Variants in ATG2B observed in about 807,000 individuals in gnomAD.
ATG2B encodes autophagy-related protein 2 homolog B.
A neutral mutation model predicts 241.3 loss-of-function variants in ATG2B; 121 were observed. That is an observed-to-expected ratio of 0.50 (90% CI 0.43 to 0.58). The LOEUF is 0.58. ATG2B is among the 20% of genes least tolerant of loss of function. The pLI is 0.00. For missense variants in ATG2B, 2,306 were observed against 2,491.6 expected, an observed-to-expected ratio of 0.93 and a Z score of 1.59; for synonymous variants, 858 against 876.6, an observed-to-expected ratio of 0.98 and a Z score of 0.37.
chr14:96,343,464 G>A (rs1172871764), intron 4 of ATG2B, among the ~76,000 whole-genome samples, 183 bp from the exon 5 acceptor site: 4 of 151,880 alleles, frequency 2.6e-5, no homozygotes, highest in Admixed American at 6.6e-5. Context: ...AATAAGAAAC[G>A]CACATAGCTT....
intron 23 of ATG2B, 130 bp downstream of exon 23, chr14:96,315,024 G>T: frequency 1.5e-6 from 1 of 680,572 alleles, no homozygotes; most frequent in Admixed American, 2.5e-5. Flanking sequence ...AAAAGGTGGT[G>T]ACACCGTAGT....
At chr14:96,297,021 C>A (rs1886660781) in intron 34 of ATG2B, among the ~76,000 whole-genome samples, 1 of 152,052 alleles carries the variant, frequency 6.6e-6, no homozygotes, top group Non-Finnish European at 1.5e-5. Flanking sequence ...TGGAAATATT[C>A]TGATTCTGAA....
chr14:96,309,892 A>C (rs1887102641), intron 28 of ATG2B, among the ~76,000 whole-genome samples: 1 of 152,192 alleles, frequency 6.6e-6, no homozygotes, highest in African/African-American at 2.4e-5. Context: ...TAAAGCTGGG[A>C]AAGAAGGGAT....
At chr14:96,287,465 C>T (rs929692040) in intron 41 of ATG2B, among the ~76,000 whole-genome samples, 3 of 152,124 alleles carry the variant, frequency 2.0e-5, no homozygotes, top group South Asian at 4.2e-4. Context: ...GAGTAGAGTA[C>T]GAGGCCGACC....
chr14:96,305,572 T>C lies in ATG2B; in HGVS notation c.4733+17A>G, dbSNP rs781153605. 2.0e-5 allele frequency: 31 copies of C among 1,540,024 alleles called. No individual in the cohort carries two copies. The highest frequency in any genetic ancestry group is 4.5e-5 in the East Asian group (2 of 44,146). ...TATATTGGCCTCCCAAATAAACTTA[T>C]ATAGAAATTAACTTACATATAACTT... On this transcript the variant is annotated intron_variant, in intron 31 of 41. Transcript: ENST00000359933.
intron 1 of ATG2B, among the ~76,000 whole-genome samples, chr14:96,350,574 TAA>T (rs923200635): frequency 1.3e-5 from 2 of 152,230 alleles, no homozygotes; most frequent in African/African-American, 4.8e-5. Context: ...ATGCGATTTT[TAA>T]AAGACAATTT....
intron 14 of ATG2B, among the ~76,000 whole-genome samples, chr14:96,327,093 G>A (rs922804242): frequency 3.3e-5 from 5 of 152,152 alleles, no homozygotes; most frequent in South Asian, 2.1e-4. Flanking sequence ...AAACTTAACC[G>A]GGTGTGGTGG....
intron 1 of ATG2B, among the ~76,000 whole-genome samples, chr14:96,358,197 G>A (rs923476915): frequency 3.4e-4 from 52 of 152,256 alleles, no homozygotes; most frequent in African/African-American, 1.2e-3. Context: ...AAACTGGGGG[G>A]GGCTGAGGTG....
chr14:96,341,578 C>CAA lies in ATG2B; in HGVS notation c.866_867dup (p.Gly290LeufsTer6), dbSNP rs746708237. On this transcript the variant is annotated frameshift_variant, in exon 6 of 42. Transcript: ENST00000359933. LOFTEE classifies it high-confidence loss of function. ...AACGTGAGACTCAACTCCAACCTACCAATTAACCGTCCAATCTGCACTGGG... is the reference window on the plus strand; with the variant it reads ...AACGTGAGACTCAACTCCAACCTACCAAAATTAACCGTCCAATCTGCACTGGG... The CAA allele has an allele frequency of 6.2e-7, 1 of 1,603,952 alleles. No individual in the cohort carries two copies. Among genetic ancestry groups the CAA allele is most frequent in the African/African-American group, 1.3e-5 (1 of 74,708 alleles).
intron 1 of ATG2B, among the ~76,000 whole-genome samples, chr14:96,348,023 T>G (rs183156761): frequency 6.6e-6 from 1 of 152,232 alleles, no homozygotes; most frequent in South Asian, 2.1e-4. Flanking sequence ...ATGGAAGAGA[T>G]ATCCACGCTC....
At chr14:96,302,997 A>C in intron 33 of ATG2B, 64 bp downstream of exon 33, 1 of 1,248,314 alleles carries the variant, frequency 8.0e-7, no homozygotes, top group Non-Finnish European at 1.1e-6. Context: ...ACTCTCCTGA[A>C]GTTAGATATA....
intron 1 of ATG2B, 118 bp downstream of exon 1, chr14:96,362,697 C>G: frequency 9.8e-7 from 1 of 1,019,166 alleles, no homozygotes; most frequent in Non-Finnish European, 1.4e-6. Context: ...CCGTGTCACA[C>G]TCGGGTCCAA....
chr14:96,353,550 T>C (rs541207893), intron 1 of ATG2B, among the ~76,000 whole-genome samples: 5 of 151,920 alleles, frequency 3.3e-5, no homozygotes, highest in Admixed American at 6.6e-5. Context: ...CGCTGGAACC[T>C]GGGAGGCTGA....
chr14:96,287,115 C>T (rs1248570539), intron 41 of ATG2B, among the ~76,000 whole-genome samples: 8 of 151,808 alleles, frequency 5.3e-5, no homozygotes, highest in Non-Finnish European at 8.8e-5. Flanking sequence ...ACTAGCCGGG[C>T]GTGGTGGCAG....
chr14:96,314,074 A>G (rs563304367), intron 23 of ATG2B, among the ~76,000 whole-genome samples: 2 of 152,272 alleles, frequency 1.3e-5, no homozygotes, highest in Admixed American at 1.3e-4. Flanking sequence ...ATCCAAACAA[A>G]TAAGGAGGTT....
At position 96,328,737 on chromosome 14, in the gene ATG2B, A is replaced by G; in HGVS notation, c.1911T>C (p.Thr637=). The G allele has an allele frequency of 6.2e-7, 1 of 1,611,952 alleles. No homozygotes were observed. Among genetic ancestry groups the G allele is most frequent in the Non-Finnish European group, 8.5e-7 (1 of 1,179,080 alleles). The change falls in exon 13 of 42, where the codon ACT becomes ACC. Residue 637 remains threonine, a synonymous_variant. Coordinates refer to ENST00000359933, the MANE Select transcript of ATG2B (RefSeq NM_018036.7). ...GAAGACACACAGGGGAATGGGAACC[A>G]GTTTCTTCTTTGGAATGGAACGTTA... The part of the protein sequence containing the change: ...ELLTFHSKEE[T]GSHSPVCLQL...
intron 6 of ATG2B, among the ~76,000 whole-genome samples, chr14:96,336,008 C>T (rs1483903013): frequency 6.6e-6 from 1 of 152,028 alleles, no homozygotes; most frequent in Non-Finnish European, 1.5e-5. Flanking sequence ...CTCAATGTAA[C>T]ATGGTAACTG....
chr14:96,312,938 A>C, intron 25 of ATG2B, 127 bp downstream of exon 25: 1 of 490,656 alleles, frequency 2.0e-6, no homozygotes, highest in Non-Finnish European at 3.5e-6. Flanking sequence ...TTTGGGTAAA[A>C]GGTTATAACT....
At position 96,323,973 on chromosome 14, in the gene ATG2B, A is replaced by G. The variant is rs370582682; in HGVS notation, c.2463T>C (p.Asp821=). 7 of 1,607,406 alleles carry G rather than the reference A, an allele frequency of 4.4e-6. No homozygotes were observed. Among genetic ancestry groups the G allele is most frequent in the Non-Finnish European group, 5.9e-6 (7 of 1,177,488 alleles). ...LIGSFQEEKG[D]PSIKFFHVSS... ...ACACATGGAAAAACTTAATAGATGG[A>G]TCTCCTTTCTCTTCCTGGAACGATC... Residue 821 remains aspartate (D), a synonymous_variant, in exon 16 of 42, where the codon GAT becomes GAC. Transcript: ENST00000359933.
Sources: allele counts gnomAD v4.1 joint callset (sites outside exome capture counted in the v4.1 genomes callset), GRCh38; gene constraint gnomAD v4.1.1; transcripts MANE v1.5; gene names NCBI Gene and HGNC (gene_info 2026-07-23, HGNC 2026-07-21).